The following MED12L variants were observed in gnomAD, a reference collection of about 807,000 sequenced individuals.
MED12L encodes the protein mediator complex subunit 12L, also known as mediator of RNA polymerase II transcription subunit 12-like protein.
In MED12L, 60 loss-of-function variants were observed where a neutral mutation model predicts 281.3. The ratio of observed to expected loss-of-function variants is 0.21; its 90% CI spans 0.17 to 0.26. The LOEUF (loss-of-function observed/expected upper bound fraction) is 0.26. Ranked by LOEUF, MED12L falls within the 10% of genes least tolerant of loss-of-function variation. The probability of loss-of-function intolerance (pLI) is 1.00; values close to 1 mark genes in which losing one functional copy is unlikely to be tolerated. For missense variants in MED12L, 2,146 were observed against 2,680.9 expected, an observed-to-expected ratio of 0.80 and a Z score of 4.41; for synonymous variants, 974 against 987.2, an observed-to-expected ratio of 0.99 and a Z score of 0.25.
chr3:151,372,134 A>G (rs1425958700), intron 26 of MED12L, among the ~76,000 whole-genome samples: 1 of 152,198 alleles, frequency 6.6e-6, no homozygotes, highest in African/African-American at 2.4e-5. Context: ...CTCTTGACCT[A>G]TGGATAGAAA....
rs180967840 is a variant in MED12L, at chr3:151,118,492, A to G, written c.204+2050A>G. On this transcript the variant is annotated intron_variant, in intron 3 of 44. Coordinates refer to ENST00000687756, the MANE Select transcript of MED12L (RefSeq NM_001393769.1). Reference sequence around the variant, plus strand: ...TACAATTTTTTACGTTACAACCGCAATTATGTATATGTAATTTATGATTCT... The same window carrying G: ...TACAATTTTTTACGTTACAACCGCAGTTATGTATATGTAATTTATGATTCT... Among the ~76,000 whole-genome samples the G allele has an allele frequency of 3.3e-5, 5 of 152,314 alleles. No individual in the cohort carries two copies. The East Asian group carries it at 9.6e-4, about 29-fold the overall frequency.
At chr3:151,123,043 A>G (rs1713995279) in intron 4 of MED12L, 69 bp downstream of exon 4, 3 of 1,306,208 alleles carry the variant, frequency 2.3e-6, no homozygotes, top group Admixed American at 2.6e-5. Context: ...ATATTCAAGT[A>G]TATATTTGTT....
intron 23 of MED12L, among the ~76,000 whole-genome samples, chr3:151,366,781 A>G (rs953405193): frequency 6.6e-6 from 1 of 152,202 alleles, no homozygotes; most frequent in East Asian, 1.9e-4. Flanking sequence ...ATTTATGTAT[A>G]TAAAATTCAT....
intron 43 of MED12L, among the ~76,000 whole-genome samples, chr3:151,428,169 C>T (rs1719075643): frequency 6.6e-6 from 1 of 152,218 alleles, no homozygotes; most frequent in African/African-American, 2.4e-5. Flanking sequence ...AAGCACATAT[C>T]TGTCTTAGGA....
chr3:151,341,814 G>A (rs1163796298), intron 16 of MED12L, among the ~76,000 whole-genome samples: 3 of 151,212 alleles, frequency 2.0e-5, no homozygotes, highest in Admixed American at 1.3e-4. Context: ...ACCTATGAGT[G>A]AGAATATGTG....
intron 22 of MED12L, 103 bp from the exon 23 acceptor site, chr3:151,365,747 G>T (rs1445702887): frequency 4.8e-6 from 5 of 1,048,564 alleles, no homozygotes; most frequent in African/African-American, 4.8e-5. Flanking sequence ...CTAAGAAAAT[G>T]ACTTGTTTGA....
chr3:151,168,718 A>G (rs1204014033), intron 11 of MED12L, among the ~76,000 whole-genome samples: 2 of 152,122 alleles, frequency 1.3e-5, no homozygotes, highest in Admixed American at 1.3e-4. Flanking sequence ...TATTATTAGT[A>G]TTTTTCCAAG....
At chr3:151,194,099 G>C (rs1724336063) in intron 16 of MED12L, among the ~76,000 whole-genome samples, 1 of 151,414 alleles carries the variant, frequency 6.6e-6, no homozygotes, top group African/African-American at 2.4e-5. Flanking sequence ...CCGAGTAGCT[G>C]GGATTACAGG....
At chr3:151,260,901 T>C (rs1738737042) in intron 16 of MED12L, among the ~76,000 whole-genome samples, 1 of 152,198 alleles carries the variant, frequency 6.6e-6, no homozygotes, top group South Asian at 2.1e-4. Flanking sequence ...TATCTTTATC[T>C]TGACGGCGTC....
chr3:151,186,495 C>G (rs1011109899), intron 12 of MED12L, among the ~76,000 whole-genome samples: 2 of 152,174 alleles, frequency 1.3e-5, no homozygotes, highest in Non-Finnish European at 2.9e-5. Context: ...GGTCACAGCT[C>G]CATTCACCTT....
chr3:151,396,335 A>G (rs1304623883), intron 39 of MED12L, among the ~76,000 whole-genome samples: 1 of 152,222 alleles, frequency 6.6e-6, no homozygotes, highest in Non-Finnish European at 1.5e-5. Context: ...TTTCAAAGTA[A>G]TAACGCCTAG....
rs941626796 is a variant in MED12L, at chr3:151,270,014, G to C, written c.2250+76348G>C. ...TATGGATGATGAAGAAAGGGAAGGA[G>C]ATAAATGATGAAGAAGGATGGGAAG... On this transcript the variant is annotated intron_variant, in intron 16 of 44. Transcript: ENST00000687756. 3.6e-5 allele frequency: 9 copies of C among 247,210 alleles called. No individual in the cohort carries two copies. In the East Asian group the frequency reaches 1.1e-3, roughly 31 times the overall value. 15.3% of individuals were successfully genotyped at this position (247,210 alleles called of 1,614,324 possible). A position where few individuals can be genotyped will look rare whatever the true frequency, so the allele number is the denominator to read the frequency against.
intron 16 of MED12L, among the ~76,000 whole-genome samples, chr3:151,229,783 C>T (rs963081241): frequency 6.6e-6 from 1 of 151,666 alleles, no homozygotes; most frequent in Admixed American, 6.6e-5. Context: ...AATTCTTAAA[C>T]GAATTTGTGT....
At chr3:151,329,973 G>C (rs1750164851) in intron 16 of MED12L, among the ~76,000 whole-genome samples, 1 of 152,092 alleles carries the variant, frequency 6.6e-6, no homozygotes, top group Non-Finnish European at 1.5e-5. Context: ...GTAGGTATTT[G>C]ACTTAGTCTT....
intron 13 of MED12L, 26 bp downstream of exon 13, chr3:151,188,506 T>C: frequency 6.4e-7 from 1 of 1,564,334 alleles, no homozygotes; most frequent in Non-Finnish European, 8.6e-7. Context: ...TCTTTGCCTC[T>C]AGATCTTAAA....
chr3:151,340,450 A>G (rs949967588), intron 16 of MED12L: 26 of 152,528 alleles, frequency 1.7e-4, no homozygotes, highest in African/African-American at 6.3e-4. Flanking sequence ...TTAGACTTCT[A>G]TTTTAATTAT....
chr3:151,255,626 A>G (rs969714284), intron 16 of MED12L, among the ~76,000 whole-genome samples: 2 of 152,170 alleles, frequency 1.3e-5, no homozygotes, highest in Admixed American at 1.3e-4. Context: ...AAGTCTTGTC[A>G]AAACTGGCCC....
intron 43 of MED12L, among the ~76,000 whole-genome samples, chr3:151,427,802 C>T (rs1401838837): frequency 6.6e-6 from 1 of 152,140 alleles, no homozygotes; most frequent in African/African-American, 2.4e-5. Context: ...TGATCTATTG[C>T]ATAGCAAGGT....
chr3:151,382,811 T>C, intron 33 of MED12L, 66 bp downstream of exon 33: 1 of 1,293,318 alleles, frequency 7.7e-7, no homozygotes, highest in Non-Finnish European at 1.1e-6. Context: ...CCTCCAGCTT[T>C]CCACTTCTCC....
Sources: allele counts gnomAD v4.1 joint callset (sites outside exome capture counted in the v4.1 genomes callset), GRCh38; gene constraint gnomAD v4.1.1; transcripts MANE v1.5; gene names NCBI Gene and HGNC (gene_info 2026-07-23, HGNC 2026-07-21).